Variants in ISM1 observed in about 807,000 individuals in gnomAD.
The protein encoded by ISM1 is isthmin 1.
ISM1 carries 25 observed loss-of-function variants against 46.3 expected under a neutral mutation model. The ratio of observed to expected loss-of-function variants is 0.54; its 90% CI spans 0.39 to 0.75. The LOEUF (loss-of-function observed/expected upper bound fraction) is 0.75. ISM1 is among the 30% of genes least tolerant of loss of function. The pLI, the probability that ISM1 is intolerant of heterozygous loss-of-function variation, is 0.00. For synonymous variants in ISM1, 255 were observed against 256.7 expected (o/e 0.99, Z 0.06); for missense variants, 536 against 625.4 (o/e 0.86, Z 1.52).
intron 5 of ISM1, among the ~76,000 whole-genome samples, chr20:13,295,613 AT>A (rs1380397186): frequency 3.3e-5 from 5 of 152,136 alleles, no homozygotes; most frequent in African/African-American, 1.2e-4. Flanking sequence ...CATGCAAGAG[AT>A]TTTTTGAGGA....
intron 1 of ISM1, among the ~76,000 whole-genome samples, chr20:13,264,888 A>T (rs1170678854): frequency 6.6e-6 from 1 of 152,160 alleles, no homozygotes; most frequent in Non-Finnish European, 1.5e-5. Context: ...GATGAGAATG[A>T]GGAAGGAGGG....
chr20:13,228,475 A>G (rs1183295045), intron 1 of ISM1, among the ~76,000 whole-genome samples: 1 of 152,208 alleles, frequency 6.6e-6, no homozygotes, highest in African/African-American at 2.4e-5. Context: ...AATTTTAAGA[A>G]TAGAATTTAA....
intron 3 of ISM1, among the ~76,000 whole-genome samples, chr20:13,283,655 G>A (rs6041989): frequency 0.22 from 34,033 of 152,078 alleles, 3,863 homozygotes; most frequent in African/African-American, 0.26. Flanking sequence ...TCTCTTCTGT[G>A]TAGATACTTG....
rs188731851 is a variant in ISM1 at position 13,259,259 on chromosome 20, C to T, written c.139-11245C>T. On this transcript the variant is annotated intron_variant, in intron 1 of 5. Transcript: ENST00000262487. ...TCGTACCACTGCACTCCAGCCTGGG[C>T]GACAGAGTGAGACTCTGTCTCAAAA... Among the ~76,000 whole-genome samples, 1,421 of 148,980 alleles carry T rather than the reference C, an allele frequency of 9.5e-3. 13 individuals carry two copies. The highest frequency in any genetic ancestry group is 0.021 in the Middle Eastern group (6 of 286).
intron 1 of ISM1, among the ~76,000 whole-genome samples, chr20:13,227,070 C>T (rs759976889): frequency 5.3e-5 from 8 of 152,136 alleles, no homozygotes; most frequent in Non-Finnish European, 1.2e-4. Context: ...CTTTTATTGC[C>T]TTTTGTCTTG....
At position 13,298,849 on chromosome 20, in the gene ISM1, C is replaced by G. The variant is rs538827724; in HGVS notation, c.878-93C>G. 82 of 1,357,544 alleles carry G rather than the reference C, an allele frequency of 6.0e-5. No individual in the cohort carries two copies. In the African/African-American group the frequency reaches 9.1e-4, roughly 15 times the overall value. 84.1% of individuals were successfully genotyped at this position (1,357,544 alleles called of 1,614,324 possible). On this transcript the variant is annotated intron_variant, in intron 5 of 5. Coordinates refer to ENST00000262487, the MANE Select transcript of ISM1 (RefSeq NM_080826.2). ...TGACTTTAGTGTCCTCCTGCGGGCC[C>G]TCAGGAGCAGCCTGGTGTCACATGC...
intron 5 of ISM1, 44 bp downstream of exon 5, chr20:13,292,507 T>C: frequency 8.1e-7 from 1 of 1,234,306 alleles, no homozygotes; most frequent in Non-Finnish European, 1.2e-6. Context: ...ACTTAGTGCC[T>C]CGGAGATTCC....
chr20:13,288,454 A>C, intron 3 of ISM1, 86 bp from the exon 4 acceptor site: 1 of 1,407,090 alleles, frequency 7.1e-7, no homozygotes. Flanking sequence ...AGAAGGATAG[A>C]AGTGAATAAT....
the ISM1 span, among the ~76,000 whole-genome samples, chr20:13,310,399 T>G: frequency 1.3e-5 from 2 of 152,068 alleles, no homozygotes; most frequent in Non-Finnish European, 2.9e-5. Context: ...TGGACTCTTA[T>G]CTCACCCCAC....
In ISM1 at chr20:13,288,538, A is replaced by G. The variant is rs2040317649; in HGVS notation, c.644-2A>G. On this transcript the variant is annotated splice_acceptor_variant, in intron 3 of 5. Coordinates refer to ENST00000262487, the MANE Select transcript of ISM1 (RefSeq NM_080826.2). LOFTEE classifies it high-confidence loss of function. ...ATGACCATCTCCCTGGCTGTCTTCC[A>G]GATTCCACAGATGGCGAGGGTGACT... The G allele has an allele frequency of 1.2e-6, 2 of 1,613,366 alleles. No homozygotes were observed. Among genetic ancestry groups the G allele is most frequent in the Admixed American group, 3.3e-5 (2 of 59,956 alleles).
chr20:13,226,918 G>A (rs952905177), intron 1 of ISM1, among the ~76,000 whole-genome samples: 2 of 152,128 alleles, frequency 1.3e-5, no homozygotes, highest in Non-Finnish European at 2.9e-5. Context: ...TTAAAGAAGA[G>A]CATGCGTACA....
intron 1 of ISM1, chr20:13,245,108 C>T (rs1289817272): frequency 1.3e-5 from 2 of 152,212 alleles, no homozygotes; most frequent in African/African-American, 4.8e-5. Flanking sequence ...TAAATATCTT[C>T]CTTCCTTCTT....
At chr20:13,276,013 T>C (rs1254204627) in intron 2 of ISM1, among the ~76,000 whole-genome samples, 1 of 152,218 alleles carries the variant, frequency 6.6e-6, no homozygotes, top group Non-Finnish European at 1.5e-5. Flanking sequence ...CCCTTGTTCT[T>C]AGAGCATCAG....
chr20:13,264,308 T>G (rs893736175), intron 1 of ISM1, among the ~76,000 whole-genome samples: 4 of 152,192 alleles, frequency 2.6e-5, no homozygotes, highest in African/African-American at 9.7e-5. Context: ...CAGCCACAAT[T>G]TGTTACTGAT....
intron 1 of ISM1, among the ~76,000 whole-genome samples, chr20:13,236,510 A>T (rs1356230108): frequency 6.6e-6 from 1 of 152,016 alleles, no homozygotes; most frequent in Non-Finnish European, 1.5e-5. Flanking sequence ...ACATTTCAAA[A>T]CCAATCATGC....
chr20:13,275,686 C>G (rs995320180), intron 2 of ISM1, among the ~76,000 whole-genome samples: 2 of 152,128 alleles, frequency 1.3e-5, no homozygotes, highest in Non-Finnish European at 2.9e-5. Flanking sequence ...TGTGAGGATT[C>G]AATGAGATCA....
Position 13,299,062 on chromosome 20 carries a change from G to C in ISM1, c.998G>C (p.Ser333Thr), listed in dbSNP as rs764582111. ...PCSYPTEVAY[S>T]TADIFDRIKR... ...TCCTACCCCACTGAGGTGGCCTACA[G>C]CACGGCCGACATCTTCGACCGCATC... Residue 333 changes from serine (S) to threonine (T), a missense_variant, in exon 6 of 6, where the codon AGC (serine) becomes ACC (threonine). Coordinates refer to ENST00000262487, the MANE Select transcript of ISM1 (RefSeq NM_080826.2). This position sits in a 1 kb window ranked among gnomAD's most constrained non-coding sequence, Gnocchi z 5.8. 1 of 1,613,818 alleles carries C rather than the reference G, an allele frequency of 6.2e-7. No individual in the cohort carries two copies. The highest frequency in any genetic ancestry group is 2.2e-5 in the East Asian group (1 of 44,876).
chr20:13,319,342 G>A, the ISM1 span, among the ~76,000 whole-genome samples: 4 of 152,118 alleles, frequency 2.6e-5, no homozygotes, highest in Non-Finnish European at 5.9e-5. Context: ...CTGGCAGCCC[G>A]GGTATTTCTA....
the ISM1 span, among the ~76,000 whole-genome samples, chr20:13,306,564 C>CAAAAAAGA: frequency 1.6e-5 from 1 of 63,914 alleles, no homozygotes; most frequent in Non-Finnish European, 2.6e-5. Context: ...GGAGAAAGGA[C>CAAAAAAGA]AAAAAAAAAA....
Sources: allele counts gnomAD v4.1 joint callset (sites outside exome capture counted in the v4.1 genomes callset), GRCh38; gene constraint gnomAD v4.1.1; non-coding constraint Gnocchi (gnomAD v3.1); transcripts MANE v1.5; gene names NCBI Gene and HGNC (gene_info 2026-07-23, HGNC 2026-07-21).